Variants in DDHD2 observed in about 807,000 individuals in gnomAD.
DDHD2 encodes DDHD domain containing 2, also known as triacylglycerol hydrolase DDHD2.
A neutral mutation model predicts 91.2 loss-of-function variants in DDHD2; 62 were observed. The ratio of observed to expected loss-of-function variants is 0.68; its 90% confidence interval spans 0.55 to 0.84. The LOEUF (loss-of-function observed/expected upper bound fraction) is 0.84. Ranked by LOEUF, DDHD2 falls within the 40% of genes least tolerant of loss-of-function variation. The pLI, the probability that DDHD2 is intolerant of heterozygous loss-of-function variation, is 0.00. For missense variants in DDHD2, 740 were observed against 846.9 expected, an observed-to-expected ratio of 0.87 and a Z score of 1.57; for synonymous variants, 271 against 293.9, an observed-to-expected ratio of 0.92 and a Z score of 0.80.
At chr8:38,242,209 G>C in intron 6 of DDHD2, 41 bp from the exon 7 acceptor site, 1 of 1,502,584 alleles carries the variant, frequency 6.7e-7, no homozygotes, top group Non-Finnish European at 9.0e-7. Flanking sequence ...CTACAGATTT[G>C]TTACTTCATT....
chr8:38,266,134 T>G, downstream of DDHD2: 3 of 1,613,696 alleles, frequency 1.9e-6, no homozygotes, highest in Non-Finnish European at 2.5e-6. Context: ...CTGAGTACTT[T>G]GCTTACCTTG....
At chr8:38,270,360 CTG>C (rs756283765) in intron 1 of DDHD2, 71 of 152,274 alleles carry the variant, frequency 4.7e-4, no homozygotes, top group Admixed American at 4.4e-3. Flanking sequence ...CTGTAGGTAT[CTG>C]TGTTTGTTGT....
downstream of DDHD2, chr8:38,272,479 C>T (rs1032890296): frequency 6.6e-6 from 1 of 152,304 alleles, no homozygotes; most frequent in Admixed American, 6.5e-5. Flanking sequence ...CTCAGCCAGC[C>T]ACAGGCAGCT....
intron 7 of DDHD2, among the ~76,000 whole-genome samples, chr8:38,244,945 A>G (rs1284255942): frequency 6.6e-6 from 1 of 151,948 alleles, no homozygotes; most frequent in Non-Finnish European, 1.5e-5. Flanking sequence ...AATATCATCA[A>G]ATACCTAGTC....
chr8:38,259,904 C>T, intron 16 of DDHD2, 136 bp from the exon 17 acceptor site: 1 of 624,748 alleles, frequency 1.6e-6, no homozygotes, highest in South Asian at 2.0e-5. Context: ...AATTACATTA[C>T]TTCTGAATCT....
intron 17 of DDHD2, 42 bp downstream of exon 17, chr8:38,260,189 A>G (rs1806881879): frequency 1.8e-6 from 2 of 1,114,358 alleles, no homozygotes; most frequent in Non-Finnish European, 2.7e-6. Context: ...ATTCTTACAT[A>G]TTAACATGTT....
downstream of DDHD2, chr8:38,266,460 GCACCATCTCGGCT>G: frequency 1.4e-6 from 1 of 726,936 alleles, no homozygotes; most frequent in East Asian, 2.9e-5. Flanking sequence ...GAGTGCAGTG[GCACCATCTCGGCT>G]CACTGCAACC....
rs1037978632 is a variant in DDHD2 at position 38,247,798 on chromosome 8, A to G, written c.1211A>G (p.Asp404Gly). ...LKKLQLSEFFDIFEKEKVDKE... is the reference protein window; with the variant it reads ...LKKLQLSEFFGIFEKEKVDKE... The stretch of plus-strand genomic sequence containing the variant: ...AAACTTCAGCTCTCTGAATTCTTTG[A>G]TATCTTTGAGAAGGAGAAAGTAGAT... The change falls in exon 10 of 18, where the codon GAT (aspartate) becomes GGT (glycine). Residue 404 changes from aspartate (D) to glycine (G), a missense_variant. By Grantham distance (94) the Asp-to-Gly change is moderately conservative. Around this residue, in one of 2 missense-constraint regions of DDHD2, gnomAD observed 693 missense variants for 764.2 expected, o/e 0.91. Transcript: ENST00000397166. 5 of 1,586,894 alleles carry G rather than the reference A, an allele frequency of 3.2e-6. No individual in the cohort carries two copies. In the African/African-American group the frequency reaches 5.5e-5, roughly 17 times the overall value.
rs1053186669 is a variant in DDHD2, at chr8:38,262,707, T to C, written c.*2134T>C. On this transcript the variant is annotated 3_prime_UTR_variant, in exon 18 of 18. Transcript: ENST00000397166. ...TTAGATTTCTAATATTTTGCATTTT[T>C]GAAATGTTTGTTTTCTACGTGATTA... 7 of 152,206 alleles carry C rather than the reference T, an allele frequency of 4.6e-5. 1 individual carries two copies. Among genetic ancestry groups the C allele is most frequent in the African/African-American group, 1.7e-4 (7 of 41,444 alleles). The allele number at this position is 152,206 out of a possible 1,614,324, so 9.4% of individuals were successfully genotyped here. A position where few individuals can be genotyped will look rare whatever the true frequency, so the allele number is the denominator to read the frequency against.
At chr8:38,264,597 T>C, downstream of DDHD2, 1 of 1,593,638 alleles carries the variant, frequency 6.3e-7, no homozygotes, top group Non-Finnish European at 8.5e-7. Flanking sequence ...TGGATCCAAC[T>C]AGTACATCTG....
intron 15 of DDHD2, 51 bp from the exon 16 acceptor site, chr8:38,253,505 C>T (rs749713406): frequency 6.5e-7 from 1 of 1,544,858 alleles, no homozygotes; most frequent in South Asian, 1.2e-5. Context: ...AACAGGATAA[C>T]CCTGAAGGCC....
rs771194032 is a variant in DDHD2 at position 38,233,145 on chromosome 8, G to T, written c.151G>T (p.Asp51Tyr). Residue 51 changes from aspartate to tyrosine, a missense_variant, in exon 2 of 18, where the codon GAT becomes TAT. Asp to Tyr is a radical substitution (Grantham distance 160, BLOSUM62 -3). This residue lies in a region of DDHD2 where 693 missense variants were observed against 764.2 expected (regional missense o/e 0.91). Coordinates refer to ENST00000397166, the MANE Select transcript of DDHD2 (RefSeq NM_015214.3). ...CCATTGGTTTTATTGTAAGATAATA[G>T]ATTCTAAGGAGACATGGATTCCTTT... ...SPHWFYCKII[D>Y]SKETWIPFNS... 2 of 1,614,130 alleles carry T rather than the reference G, an allele frequency of 1.2e-6. No individual in the cohort carries two copies. Among genetic ancestry groups the T allele is most frequent in the South Asian group, 2.2e-5 (2 of 91,082 alleles).
downstream of DDHD2, among the ~76,000 whole-genome samples, chr8:38,266,726 G>A (rs1457551524): frequency 6.6e-6 from 1 of 152,008 alleles, no homozygotes; most frequent in African/African-American, 2.4e-5. Context: ...CCTTTTTTGT[G>A]TATACTTATA....
intron 10 of DDHD2, among the ~76,000 whole-genome samples, chr8:38,249,280 T>A (rs1201074317): frequency 2.7e-5 from 4 of 150,930 alleles, no homozygotes; most frequent in African/African-American, 9.7e-5. Flanking sequence ...GCCTGGCTAA[T>A]TTTTTTTGTA....
chr8:38,247,548 A>C (rs1026405748), intron 9 of DDHD2, 165 bp from the exon 10 acceptor site: 3 of 411,926 alleles, frequency 7.3e-6, no homozygotes, highest in Non-Finnish European at 1.3e-5. Context: ...TTTTCAATTG[A>C]AGTTGCAAAA....
intron 1 of DDHD2, chr8:38,267,849 G>C: frequency 6.4e-7 from 1 of 1,566,710 alleles, no homozygotes; most frequent in Non-Finnish European, 8.8e-7. Context: ...CTGTTCTGGT[G>C]GGTAAGGGCT....
rs1005295323 is a variant in DDHD2 at position 38,251,928 on chromosome 8, C to A, written c.1361C>A (p.Ala454Asp). Residue 454 changes from alanine to aspartate, a missense_variant, in exon 12 of 18, where the codon GCC (alanine) becomes GAC (aspartate). Ala to Asp is a moderately radical substitution (Grantham distance 126, BLOSUM62 -2). Coordinates refer to ENST00000397166, the MANE Select transcript of DDHD2 (RefSeq NM_015214.3). ...ATTCTTTAGGGTATTAAGAGACCAG[C>A]CCCGCAGCCTGCTTCAGGGGCAAAC... ...RKNSMGIKRPAPQPASGANIP... is the reference protein window; with the variant it reads ...RKNSMGIKRPDPQPASGANIP... 1.2e-4 allele frequency: 187 copies of A among 1,613,756 alleles called. No individual in the cohort carries two copies. The highest frequency in any genetic ancestry group is 1.5e-4 in the Non-Finnish European group (181 of 1,179,772).
In DDHD2 at chr8:38,256,185, ACTC is replaced by A. The variant is rs1444364843; in HGVS notation, c.2054+2473_2054+2475del. 2.7e-5 allele frequency among the ~76,000 whole-genome samples: 4 copies of A among 150,024 alleles called. No homozygotes were observed. In the South Asian group the frequency reaches 8.5e-4, roughly 32 times the overall value. On this transcript the variant is annotated intron_variant, in intron 16 of 17. Transcript: ENST00000397166. ...ATCCCTCCCTTCTTTTCTCTTCCCC[ACTC>A]CTCCTAATTTCCAGGGAGCCACTGC...
intron 3 of DDHD2, among the ~76,000 whole-genome samples, chr8:38,235,784 C>T (rs1453228251): frequency 6.6e-6 from 1 of 150,544 alleles, no homozygotes. Context: ...CATTGTGAGG[C>T]CAAGGCAGGA....
Sources: allele counts gnomAD v4.1 joint callset (sites outside exome capture counted in the v4.1 genomes callset), GRCh38; gene constraint gnomAD v4.1.1; regional missense constraint gnomAD v4.1.1; transcripts MANE v1.5; gene names NCBI Gene and HGNC (gene_info 2026-07-23, HGNC 2026-07-21).